Variants in STPG2 observed in about 807,000 individuals in gnomAD.
STPG2 encodes the protein sperm-tail PG-rich repeat-containing protein 2.
STPG2 carries 56 observed loss-of-function variants against 54.2 expected under a neutral mutation model. The ratio of observed to expected loss-of-function variants is 1.03; its 90% CI spans 0.83 to 1.29. The LOEUF is 1.29. Among genes scored for constraint, STPG2 ranks in the 50% most tolerant of loss-of-function variants. The probability of loss-of-function intolerance (pLI) is 0.00; values close to 1 mark genes in which losing one functional copy is unlikely to be tolerated. For synonymous variants in STPG2, 200 were observed against 181.8 expected (o/e 1.10, Z -0.81); for missense variants, 596 against 544.9 (o/e 1.09, Z -0.93).
intron 3 of STPG2, among the ~76,000 whole-genome samples, chr4:98,122,807 G>A (rs1372262773): frequency 1.3e-5 from 2 of 152,068 alleles, no homozygotes; most frequent in Non-Finnish European, 2.9e-5. Flanking sequence ...AATCTGTCTG[G>A]TCCTGGGCTT....
intron 5 of STPG2, among the ~76,000 whole-genome samples, chr4:98,045,933 T>A (rs1737110398): frequency 1.6e-5 from 1 of 61,670 alleles, no homozygotes; most frequent in Non-Finnish European, 3.7e-5. Flanking sequence ...TTTCTTTGAA[T>A]AAGCTTTCTA....
chr4:97,465,164 C>A (rs1449855889), intron 4 of STPG2, among the ~76,000 whole-genome samples: 1 of 152,108 alleles, frequency 6.6e-6, no homozygotes, highest in Non-Finnish European at 1.5e-5. Context: ...GGATCAGCCT[C>A]CAGCAATTTG....
chr4:97,631,283 A>G (rs1355306249), intron 10 of STPG2, among the ~76,000 whole-genome samples: 2 of 152,068 alleles, frequency 1.3e-5, no homozygotes, highest in East Asian at 1.9e-4. Context: ...AGAAATATTC[A>G]AGTGTCATAA....
At chr4:97,523,168 G>A (rs1179410683) in intron 4 of STPG2, among the ~76,000 whole-genome samples, 2 of 151,918 alleles carry the variant, frequency 1.3e-5, no homozygotes, top group African/African-American at 4.8e-5. Flanking sequence ...TAGCTTAGAA[G>A]CATAATTTGA....
chr4:97,921,321 C>T (rs115830348), intron 8 of STPG2, among the ~76,000 whole-genome samples: 295 of 152,186 alleles, frequency 1.9e-3, no homozygotes, highest in African/African-American at 7.0e-3. Flanking sequence ...CCAGACCTAC[C>T]CCAGTTTCCA....
At chr4:97,701,343 T>G (rs745904101) in intron 10 of STPG2, among the ~76,000 whole-genome samples, 1 of 152,070 alleles carries the variant, frequency 6.6e-6, no homozygotes, top group African/African-American at 2.4e-5. Context: ...TTATCTGACC[T>G]CCATAAGCCT....
At chr4:97,514,374 T>C (rs895922857) in intron 4 of STPG2, among the ~76,000 whole-genome samples, 1 of 152,052 alleles carries the variant, frequency 6.6e-6, no homozygotes, top group Non-Finnish European at 1.5e-5. Flanking sequence ...AGGGGGATCA[T>C]GTCTAGAGCA....
chr4:97,863,906 GC>G (rs1157843370), intron 8 of STPG2, among the ~76,000 whole-genome samples: 1 of 152,038 alleles, frequency 6.6e-6, no homozygotes, highest in Non-Finnish European at 1.5e-5. Context: ...AGCCCTTCAT[GC>G]TAAAAACTCT....
At chr4:97,502,707 G>A (rs966929231) in intron 4 of STPG2, among the ~76,000 whole-genome samples, 2 of 151,740 alleles carry the variant, frequency 1.3e-5, no homozygotes, top group African/African-American at 4.8e-5. Flanking sequence ...AAATAGAGTT[G>A]CAAGGCAGTC....
intron 2 of STPG2, among the ~76,000 whole-genome samples, chr4:98,130,639 T>C (rs1364758184): frequency 2.0e-5 from 3 of 151,864 alleles, no homozygotes; most frequent in East Asian, 1.9e-4. Context: ...CTTTCCAAAA[T>C]AGGCCAGGCG....
chr4:97,945,575 C>G (rs923280685), intron 7 of STPG2, among the ~76,000 whole-genome samples: 1 of 152,028 alleles, frequency 6.6e-6, no homozygotes, highest in African/African-American at 2.4e-5. Context: ...GGTAAATACC[C>G]AGTAGTGGGA....
At chr4:97,802,087 C>T (rs979378654) in intron 9 of STPG2, among the ~76,000 whole-genome samples, 3 of 152,244 alleles carry the variant, frequency 2.0e-5, no homozygotes, top group Non-Finnish European at 2.9e-5. Context: ...AATAAAGCTC[C>T]AGGTGATTTT....
intron 4 of STPG2, among the ~76,000 whole-genome samples, chr4:97,490,828 A>T (rs1730488310): frequency 6.6e-6 from 1 of 151,418 alleles, no homozygotes; most frequent in Non-Finnish European, 1.5e-5. Flanking sequence ...CTCTTTTCTG[A>T]TGTTGAAGTT....
chr4:98,013,279 C>A (rs1310811967), intron 5 of STPG2, among the ~76,000 whole-genome samples: 1 of 152,150 alleles, frequency 6.6e-6, no homozygotes, highest in African/African-American at 2.4e-5. Flanking sequence ...GTTAAAGCAG[C>A]CTTGCATCCC....
intron 10 of STPG2, among the ~76,000 whole-genome samples, chr4:97,664,595 ATC>A (rs1722465891): frequency 6.6e-6 from 1 of 152,136 alleles, no homozygotes; most frequent in African/African-American, 2.4e-5. Flanking sequence ...TACAGGTTTG[ATC>A]CATCTTAGGC....
chr4:98,131,013 G>A (rs1377954232), intron 2 of STPG2, among the ~76,000 whole-genome samples: 4 of 148,992 alleles, frequency 2.7e-5, no homozygotes, highest in African/African-American at 7.5e-5. Flanking sequence ...CTTCGCTCCT[G>A]TACTCCATTC....
At chr4:97,702,030 G>T (rs1349027017) in intron 10 of STPG2, among the ~76,000 whole-genome samples, 1 of 152,144 alleles carries the variant, frequency 6.6e-6, no homozygotes, top group Non-Finnish European at 1.5e-5. Flanking sequence ...ACAACGCATT[G>T]TTCAGGGGAT....
chr4:97,793,364 T>C (rs1727063583), intron 9 of STPG2, among the ~76,000 whole-genome samples: 1 of 38,262 alleles, frequency 2.6e-5, no homozygotes, highest in South Asian at 8.2e-4. Context: ...ATTAGAGTTT[T>C]ATATATACAC....
At chr4:97,875,839 C>T (rs1441124100) in intron 8 of STPG2, among the ~76,000 whole-genome samples, 2 of 151,858 alleles carry the variant, frequency 1.3e-5, no homozygotes, top group African/African-American at 4.8e-5. Flanking sequence ...ATTGATTTGT[C>T]TTTCTTTCAT....
Sources: allele counts gnomAD v4.1 joint callset (sites outside exome capture counted in the v4.1 genomes callset), GRCh38; gene constraint gnomAD v4.1.1; transcripts MANE v1.5; gene names NCBI Gene and HGNC (gene_info 2026-07-23, HGNC 2026-07-21).